Variants in RFWD3 observed in about 807,000 individuals in gnomAD.
The protein encoded by RFWD3 is E3 ubiquitin-protein ligase RFWD3.
A neutral mutation model predicts 87.7 loss-of-function variants in RFWD3; 65 were observed. The observed-to-expected ratio is 0.74, with a 90% CI of 0.61 to 0.91. The LOEUF (loss-of-function observed/expected upper bound fraction) is 0.91. RFWD3 is among the 40% of genes least tolerant of loss of function. The pLI, the probability that RFWD3 is intolerant of heterozygous loss-of-function variation, is 0.00. For missense variants in RFWD3, 1,078 were observed against 938.5 expected, an observed-to-expected ratio of 1.15 and a Z score of -1.94; for synonymous variants, 433 against 352.8, an observed-to-expected ratio of 1.23 and a Z score of -2.55.
intron 2 of RFWD3, among the ~76,000 whole-genome samples, chr16:74,655,587 C>T (rs1241486625): frequency 1.3e-5 from 2 of 151,062 alleles, no homozygotes; most frequent in Non-Finnish European, 2.9e-5. Context: ...TCCTAGGGTG[C>T]TTGAAAATTA....
At position 74,626,327 on chromosome 16, in the gene RFWD3, A is replaced by G; in HGVS notation, c.2181+16T>C. ...AAACTACTTTTTATATGAAAGTAAA[A>G]AAGTAACAGGCTCACCAGGGCAGAA... On this transcript the variant is annotated intron_variant, in intron 12 of 12. Transcript: ENST00000361070. 4 of 1,606,782 alleles carry G rather than the reference A, an allele frequency of 2.5e-6. No homozygotes were observed. Among genetic ancestry groups the G allele is most frequent in the Non-Finnish European group, 3.4e-6 (4 of 1,174,358 alleles).
At chr16:74,658,856 C>T (rs374374752) in intron 2 of RFWD3, among the ~76,000 whole-genome samples, 7 of 152,098 alleles carry the variant, frequency 4.6e-5, no homozygotes, top group African/African-American at 1.7e-4. Context: ...CAAGCTCCGC[C>T]TCCTAGGTTC....
At chr16:74,629,571 G>C (rs1462738330) in intron 10 of RFWD3, among the ~76,000 whole-genome samples, 1 of 151,704 alleles carries the variant, frequency 6.6e-6, no homozygotes, top group Non-Finnish European at 1.5e-5. Context: ...AGGATGCAGT[G>C]ATCCAAGACT....
chr16:74,666,296 C>T (rs1386848938), intron 1 of RFWD3: 1 of 152,224 alleles, frequency 6.6e-6, no homozygotes, highest in Non-Finnish European at 1.5e-5. Context: ...TTCCTAAACT[C>T]GGCTCAACTT....
rs112308457 is a variant in RFWD3 at position 74,627,976 on chromosome 16, G to A, written c.1969+476C>T. Among the ~76,000 whole-genome samples the A allele has an allele frequency of 2.4e-3, 370 of 152,334 alleles. 5 individuals are homozygous for A. The highest frequency in any genetic ancestry group is 0.016 in the South Asian group (77 of 4,826). ...AATGAAGCACAGTCTGCTGTTATGCGTTCCACCTCTGATTCCAGAGGCAGA... is the reference window on the plus strand; with the variant it reads ...AATGAAGCACAGTCTGCTGTTATGCATTCCACCTCTGATTCCAGAGGCAGA... On this transcript the variant is annotated intron_variant, in intron 11 of 12. Transcript: ENST00000361070.
At chr16:74,632,174 A>C (rs1351154150) in intron 9 of RFWD3, among the ~76,000 whole-genome samples, 4 of 151,652 alleles carry the variant, frequency 2.6e-5, no homozygotes, top group African/African-American at 9.7e-5. Context: ...GCGGATCATG[A>C]GGTCAGGAGA....
At position 74,644,527 on chromosome 16, in the gene RFWD3, C is replaced by T. The variant is rs1243519745; in HGVS notation, c.987+14G>A. 20 of 1,614,022 alleles carry T rather than the reference C, an allele frequency of 1.2e-5. No individual in the cohort carries two copies. The Admixed American group carries it at 3.3e-4, about 27-fold the overall frequency. ...GACTTAACATGTTAATGTGTCCTTA[C>T]CTATGGTCCTTACCTGGGGACATTT... On this transcript the variant is annotated intron_variant, in intron 5 of 12. Transcript: ENST00000361070.
intron 2 of RFWD3, among the ~76,000 whole-genome samples, chr16:74,659,219 C>T (rs1048541583): frequency 7.2e-5 from 11 of 152,126 alleles, no homozygotes; most frequent in African/African-American, 2.7e-4. Flanking sequence ...CGTCCCCCAA[C>T]AAGAATGAGT....
intron 4 of RFWD3, among the ~76,000 whole-genome samples, chr16:74,646,310 A>C (rs575309887): frequency 1.3e-5 from 2 of 152,318 alleles, no homozygotes; most frequent in East Asian, 3.9e-4. Context: ...CGGGATATTG[A>C]GGCTGCAGTG....
At chr16:74,649,239 A>G in intron 3 of RFWD3, 37 bp from the exon 4 acceptor site, 1 of 1,448,694 alleles carries the variant, frequency 6.9e-7, no homozygotes, top group Non-Finnish European at 9.3e-7. Flanking sequence ...GGAGAGGTAA[A>G]ATACAAAATA....
At chr16:74,629,504 CAA>C (rs1313601364) in intron 10 of RFWD3, among the ~76,000 whole-genome samples, 3 of 152,048 alleles carry the variant, frequency 2.0e-5, no homozygotes, top group African/African-American at 7.2e-5. Flanking sequence ...ACTAAAAATA[CAA>C]AAGTTAGTCA....
rs749131662 is a variant in RFWD3, at chr16:74,644,421, G to A, written c.1020C>T (p.Val340=). The change falls in exon 6 of 13, where the codon GTC becomes GTT. Residue 340 remains valine (V), a synonymous_variant. Coordinates refer to ENST00000361070, the MANE Select transcript of RFWD3 (RefSeq NM_018124.4). ...CNKKARHSDI[V]VLYARTLRAL... Reference sequence around the variant, plus strand: ...CTCTCAGGGTTCGGGCATAAAGGACGACAATGTCACTGTGCCTGGCTTTCT... The same window carrying A: ...CTCTCAGGGTTCGGGCATAAAGGACAACAATGTCACTGTGCCTGGCTTTCT... The A allele has an allele frequency of 1.1e-4, 180 of 1,614,070 alleles. No individual in the cohort carries two copies. The highest frequency in any genetic ancestry group is 1.4e-4 in the Non-Finnish European group (167 of 1,180,038).
At chr16:74,641,945 A>C (rs1378675276) in intron 6 of RFWD3, among the ~76,000 whole-genome samples, 2 of 150,946 alleles carry the variant, frequency 1.3e-5, no homozygotes, top group African/African-American at 4.8e-5. Flanking sequence ...AAAAAAAAAA[A>C]AAAAAAAAAC....
chr16:74,643,270 C>CG (rs1959811319), intron 6 of RFWD3, among the ~76,000 whole-genome samples: 1 of 152,082 alleles, frequency 6.6e-6, no homozygotes, highest in Admixed American at 6.5e-5. Context: ...AGTGAGCCAC[C>CG]GCACCAGCCT....
chr16:74,641,152 C>G (rs972481548), intron 6 of RFWD3, among the ~76,000 whole-genome samples: 3 of 151,902 alleles, frequency 2.0e-5, no homozygotes, highest in Non-Finnish European at 4.4e-5. Flanking sequence ...CAATGTAAAA[C>G]ACAAACAGAT....
intron 7 of RFWD3, 52 bp from the exon 8 acceptor site, chr16:74,636,629 C>T (rs1172495936): frequency 7.8e-7 from 1 of 1,282,016 alleles, no homozygotes; most frequent in Non-Finnish European, 1.1e-6. Context: ...TGATATTCCC[C>T]TCAAATACAA....
At chr16:74,646,569 T>C (rs2144221087) in intron 4 of RFWD3, among the ~76,000 whole-genome samples, 1 of 151,772 alleles carries the variant, frequency 6.6e-6, no homozygotes, top group Admixed American at 6.6e-5. Flanking sequence ...AGGCGGATCA[T>C]GAAGTCAGGA....
At position 74,644,596 on chromosome 16, in the gene RFWD3, A is replaced by T; in HGVS notation, c.932T>A (p.Phe311Tyr). The change falls in exon 5 of 13, where the codon TTT becomes TAT. Residue 311 changes from phenylalanine to tyrosine, a missense_variant. Transcript: ENST00000361070. ...CCACGTGGAAATGCACCTATACCCA[A>T]AGAGATGCCCACAGCGTAATGCTGA... The part of the protein sequence containing the change: ...RLSALRCGHL[F>Y]GYRCISTWLK... 1 of 1,614,178 alleles carries T rather than the reference A, an allele frequency of 6.2e-7. No individual in the cohort carries two copies. The highest frequency in any genetic ancestry group is 1.3e-5 in the African/African-American group (1 of 75,038).
At chr16:74,664,275 G>C (rs1005609667) in intron 1 of RFWD3, 2 of 152,002 alleles carry the variant, frequency 1.3e-5, no homozygotes, top group African/African-American at 4.8e-5. Context: ...AATGTTTCTA[G>C]GGTACAACGA....
Sources: gnomAD v4.1 joint callset for allele counts (sites outside exome capture counted in the v4.1 genomes callset) on GRCh38, gnomAD v4.1.1 for gene constraint, MANE v1.5 for transcripts, NCBI Gene and HGNC (gene_info 2026-07-23, HGNC 2026-07-21) for gene names.